The following RPS6KA1 variants were observed in gnomAD, a reference collection of about 807,000 sequenced individuals.
The protein encoded by RPS6KA1 is ribosomal protein S6 kinase A1.
A neutral mutation model predicts 91.3 loss-of-function variants in RPS6KA1; 48 were observed. That is an observed-to-expected ratio of 0.53 (90% confidence interval 0.42 to 0.67). The LOEUF is 0.67. Among genes scored for constraint, RPS6KA1 ranks in the 30% least tolerant of loss-of-function variants. The pLI is 0.00. For missense variants in RPS6KA1, 719 were observed against 960.5 expected (o/e 0.75, Z 3.32); for synonymous variants, 359 against 384.7 (o/e 0.93, Z 0.78).
At position 26,555,439 on chromosome 1, in the gene RPS6KA1, G is replaced by A. The variant is rs1168315419; in HGVS notation, c.828-98G>A. On this transcript the variant is annotated intron_variant, in intron 10 of 21. Transcript: ENST00000374168. The surrounding 1 kb of genome is among the most constrained non-coding windows in gnomAD (Gnocchi z 4.3). ...TGGGAAGTGAATTAGTGGATGGCTT[G>A]TCTAGACTGAGCTGGGAACTAGATC... is the stretch of plus-strand genomic sequence containing the variant. 2.2e-5 allele frequency: 28 copies of A among 1,265,134 alleles called. No homozygotes were observed. Among genetic ancestry groups the A allele is most frequent in the Non-Finnish European group, 3.1e-5 (28 of 891,284 alleles). 78.4% of individuals were successfully genotyped at this position (1,265,134 alleles called of 1,614,324 possible).
In RPS6KA1 at chr1:26,558,300, A is replaced by G. The variant is rs1357486332; in HGVS notation, c.1085-507A>G. On this transcript the variant is annotated intron_variant, in intron 13 of 21. Transcript: ENST00000374168. This position sits in a 1 kb window ranked among gnomAD's most constrained non-coding sequence, Gnocchi z 4.0. ...GGGAACAGTGTGTGCAAGGGCTCAG[A>G]GACCCCTCTAAGGATCTGAGAAGTC... is the stretch of plus-strand genomic sequence containing the variant. Among the ~76,000 whole-genome samples the G allele has an allele frequency of 6.6e-6, 1 of 152,216 alleles. No individual in the cohort carries two copies. Among genetic ancestry groups the G allele is most frequent in the Non-Finnish European group, 1.5e-5 (1 of 68,040 alleles).
chr1:26,545,931 C>T lies in RPS6KA1; in HGVS notation c.109-936C>T, dbSNP rs371482353. On this transcript the variant is annotated intron_variant, in intron 2 of 21. Coordinates refer to ENST00000374168, the MANE Select transcript of RPS6KA1 (RefSeq NM_002953.4). Reference sequence around the variant, plus strand: ...GCAGGATCCCAAGCCGCCCCGTCTGCGGCTCTGGGCCCTGATCCCCTGGCT... The same window carrying T: ...GCAGGATCCCAAGCCGCCCCGTCTGTGGCTCTGGGCCCTGATCCCCTGGCT... The T allele has an allele frequency of 1.7e-5, 27 of 1,592,466 alleles. No individual in the cohort carries two copies. Among genetic ancestry groups the T allele is most frequent in the African/African-American group, 9.4e-5 (7 of 74,268 alleles).
At chr1:26,572,117 G>A in intron 19 of RPS6KA1, 59 bp from the exon 20 acceptor site, 1 of 1,461,766 alleles carries the variant, frequency 6.8e-7, no homozygotes, top group Non-Finnish European at 9.6e-7. Context: ...TCCCACCGCA[G>A]CCCCAGCCCC....
chr1:26,572,023 C>T, intron 19 of RPS6KA1, 98 bp downstream of exon 19: 1 of 1,392,868 alleles, frequency 7.2e-7, no homozygotes, highest in Non-Finnish European at 1.0e-6. Context: ...CAGCCCCGCC[C>T]CAGGATGGTC....
intron 4 of RPS6KA1, among the ~76,000 whole-genome samples, chr1:26,549,836 G>A (rs1450969892): frequency 6.6e-6 from 1 of 151,372 alleles, no homozygotes; most frequent in African/African-American, 2.4e-5. Context: ...TGAGTAGCTG[G>A]GATTACAGGC....
chr1:26,554,999 A>G lies in RPS6KA1; in HGVS notation c.757-152A>G. On this transcript the variant is annotated intron_variant, in intron 9 of 21. Coordinates refer to ENST00000374168, the MANE Select transcript of RPS6KA1 (RefSeq NM_002953.4). This position sits in a 1 kb window ranked among gnomAD's most constrained non-coding sequence, Gnocchi z 4.6. ...CTGCTCCTGGTGGTCTGGTTGGCAG[A>G]GGCAAGAGGGACGGGCATAATTCTT... The G allele has an allele frequency of 1.1e-6, 1 of 870,028 alleles. No individual in the cohort carries two copies. Among genetic ancestry groups the G allele is most frequent in the Non-Finnish European group, 1.8e-6 (1 of 560,062 alleles). The allele number at this position is 870,028 out of a possible 1,614,324, so 53.9% of individuals were successfully genotyped here.
chr1:26,559,070 CAG>C (rs1160808314), intron 14 of RPS6KA1, 133 bp downstream of exon 14: 8 of 1,097,996 alleles, frequency 7.3e-6, no homozygotes, highest in Non-Finnish European at 1.0e-5. Flanking sequence ...CAACATAAAA[CAG>C]GGACAGTAAG....
At position 26,574,008 on chromosome 1, in the gene RPS6KA1, C is replaced by T; in HGVS notation, c.2086-71C>T. 1.3e-6 allele frequency: 2 copies of T among 1,561,470 alleles called. No individual in the cohort carries two copies. The highest frequency in any genetic ancestry group is 1.7e-6 in the Non-Finnish European group (2 of 1,143,636). On this transcript the variant is annotated intron_variant, in intron 21 of 21. Transcript: ENST00000374168. The surrounding 1 kb of genome is among the most constrained non-coding windows in gnomAD (Gnocchi z 4.3). ...GGAACACTGAGAGGGGCTGGCCTAC[C>T]CTTGGGGCATGGATCCCCTCCCCGC...
intron 2 of RPS6KA1, among the ~76,000 whole-genome samples, chr1:26,539,396 T>C (rs1302972072): frequency 2.6e-5 from 4 of 152,162 alleles, no homozygotes; most frequent in Non-Finnish European, 5.9e-5. Context: ...GAGAAAGAAT[T>C]GGGCCTTCCA....
In RPS6KA1 at chr1:26,555,498, G is replaced by A. The variant is rs1206325190; in HGVS notation, c.828-39G>A. On this transcript the variant is annotated intron_variant, in intron 10 of 21. Coordinates refer to ENST00000374168, the MANE Select transcript of RPS6KA1 (RefSeq NM_002953.4). This position sits in a 1 kb window ranked among gnomAD's most constrained non-coding sequence, Gnocchi z 4.3. ...GGCCGGGGGAGATGGGGCCTCTGGGGCAGGGCTCAGCCTTGATGAGTCCCG... is the reference window on the plus strand; with the variant it reads ...GGCCGGGGGAGATGGGGCCTCTGGGACAGGGCTCAGCCTTGATGAGTCCCG... The A allele has an allele frequency of 2.6e-6, 4 of 1,542,834 alleles. No individual in the cohort carries two copies. Among genetic ancestry groups the A allele is most frequent in the Non-Finnish European group, 2.6e-6 (3 of 1,137,216 alleles).
chr1:26,556,082 C>T (rs367902257), intron 11 of RPS6KA1: 14 of 208,640 alleles, frequency 6.7e-5, no homozygotes, highest in African/African-American at 3.0e-4. Context: ...GCAGGTTCCT[C>T]GTCTCAATGG....
Position 26,551,368 on chromosome 1 carries a change from A to G in RPS6KA1, c.308-29A>G. The G allele has an allele frequency of 6.2e-7, 1 of 1,603,310 alleles. No individual in the cohort carries two copies. Among genetic ancestry groups the G allele is most frequent in the Non-Finnish European group, 8.5e-7 (1 of 1,170,328 alleles). ...AGTGGCTGTGTTGAGTGTCTAGGCT[A>G]CTGGTGACTTCCTTTCTCGTCTGGC... On this transcript the variant is annotated intron_variant, in intron 4 of 21. Coordinates refer to ENST00000374168, the MANE Select transcript of RPS6KA1 (RefSeq NM_002953.4). This position sits in a 1 kb window ranked among gnomAD's most constrained non-coding sequence, Gnocchi z 4.5.
Position 26,558,706 on chromosome 1 carries a change from C to T in RPS6KA1, c.1085-101C>T. 2 of 1,415,450 alleles carry T rather than the reference C, an allele frequency of 1.4e-6. No homozygotes were observed. The highest frequency in any genetic ancestry group is 9.6e-7 in the Non-Finnish European group (1 of 1,038,130). The allele number at this position is 1,415,450 out of a possible 1,614,324, so 87.7% of individuals were successfully genotyped here. The stretch of plus-strand genomic sequence containing the variant: ...TGCAGGCTCCCGCCACGGCCAGCCC[C>T]TGAGGCAGGTCTGGAGGCCCTGTGC... On this transcript the variant is annotated intron_variant, in intron 13 of 21. Coordinates refer to ENST00000374168, the MANE Select transcript of RPS6KA1 (RefSeq NM_002953.4). The surrounding 1 kb of genome is among the most constrained non-coding windows in gnomAD (Gnocchi z 4.0).
chr1:26,543,032 C>A, intron 2 of RPS6KA1: 1 of 976,060 alleles, frequency 1.0e-6, no homozygotes, highest in Non-Finnish European at 1.5e-6. Context: ...CATCATCTGC[C>A]CCTCCTCCCT....
chr1:26,537,318 T>C (rs1484170178), intron 2 of RPS6KA1, among the ~76,000 whole-genome samples: 1 of 152,180 alleles, frequency 6.6e-6, no homozygotes, highest in Non-Finnish European at 1.5e-5. Context: ...TCCTGCTCCT[T>C]TTGGTAGAGC....
intron 1 of RPS6KA1, among the ~76,000 whole-genome samples, chr1:26,535,645 A>G (rs2075900717): frequency 6.6e-6 from 1 of 152,092 alleles, no homozygotes; most frequent in South Asian, 2.1e-4. Flanking sequence ...GGGGCTGGAA[A>G]AGGCAAGACT....
intron 1 of RPS6KA1, chr1:26,530,716 C>A: frequency 7.9e-7 from 1 of 1,271,618 alleles, no homozygotes; most frequent in South Asian, 1.3e-5. Flanking sequence ...GCCCAGACTC[C>A]CCAGACAACC....
intron 1 of RPS6KA1, among the ~76,000 whole-genome samples, chr1:26,536,224 C>T (rs1206690230): frequency 6.6e-6 from 1 of 150,946 alleles, no homozygotes; most frequent in Non-Finnish European, 1.5e-5. Flanking sequence ...TGCCATGTGG[C>T]AGAGGCTTGG....
intron 17 of RPS6KA1, among the ~76,000 whole-genome samples, chr1:26,568,656 A>G (rs918290627): frequency 3.3e-5 from 5 of 152,230 alleles, no homozygotes; most frequent in African/African-American, 9.6e-5. Context: ...AGGCTGAGGC[A>G]GGAGAATTGC....
Sources: gnomAD v4.1 joint callset for allele counts (sites outside exome capture counted in the v4.1 genomes callset) on GRCh38, gnomAD v4.1.1 for gene constraint, Gnocchi (gnomAD v3.1) non-coding constraint, MANE v1.5 for transcripts, NCBI Gene and HGNC (gene_info 2026-07-23, HGNC 2026-07-21) for gene names.